Variants in CHRM2 observed in about 807,000 individuals in gnomAD.
CHRM2 encodes muscarinic acetylcholine receptor M2.
In CHRM2, 8 loss-of-function variants were observed where a neutral mutation model predicts 25.0. The ratio of observed to expected loss-of-function variants is 0.32; its 90% CI spans 0.19 to 0.58. The LOEUF is 0.58. Ranked by LOEUF, CHRM2 falls within the 20% of genes least tolerant of loss-of-function variation. CHRM2 has a pLI of 0.88. For missense variants in CHRM2, 440 were observed against 567.1 expected (o/e 0.78, Z 2.28); for synonymous variants, 202 against 205.7 (o/e 0.98, Z 0.15).
chr7:136,978,801 T>C (rs1314757453), intron 2 of CHRM2, among the ~76,000 whole-genome samples: 1 of 152,206 alleles, frequency 6.6e-6, no homozygotes, highest in African/African-American at 2.4e-5. Flanking sequence ...TATGGCTGCA[T>C]AGTATTCCGT....
chr7:136,912,862 A>G (rs1366328451), intron 2 of CHRM2, among the ~76,000 whole-genome samples: 1 of 151,988 alleles, frequency 6.6e-6, no homozygotes, highest in Non-Finnish European at 1.5e-5. Flanking sequence ...TTCATCCTCT[A>G]TGAAACGCGG....
intron 2 of CHRM2, among the ~76,000 whole-genome samples, chr7:136,973,328 T>C (rs1310220978): frequency 1.8e-5 from 2 of 111,724 alleles, no homozygotes; most frequent in Non-Finnish European, 1.8e-5. Context: ...TGGCAGGTGA[T>C]GGTGACGGTG....
chr7:136,982,245 T>C (rs1802538879), intron 2 of CHRM2, among the ~76,000 whole-genome samples: 1 of 152,228 alleles, frequency 6.6e-6, no homozygotes, highest in African/African-American at 2.4e-5. Context: ...AAGTCTGTTT[T>C]ATCAGAGACT....
At chr7:136,952,741 G>A (rs2130860858) in intron 2 of CHRM2, among the ~76,000 whole-genome samples, 1 of 152,026 alleles carries the variant, frequency 6.6e-6, no homozygotes, top group East Asian at 1.9e-4. Flanking sequence ...CCCTCCAATA[G>A]GCCCCCGTAT....
At chr7:136,885,967 T>C (rs1253324429) in intron 2 of CHRM2, among the ~76,000 whole-genome samples, 2 of 151,838 alleles carry the variant, frequency 1.3e-5, no homozygotes, top group African/African-American at 2.4e-5. Context: ...TTTGGGGAAA[T>C]GGAAAGGAAG....
rs1800464314 is a variant in CHRM2, at chr7:136,952,377, C to A, written c.-124-39810C>A. Among the ~76,000 whole-genome samples, 3 of 152,014 alleles carry A rather than the reference C, an allele frequency of 2.0e-5. No individual in the cohort carries two copies. In the South Asian group the frequency reaches 6.2e-4, roughly 32 times the overall value. ...TCTAATTGCTTTATTGATTTATAGA[C>A]TTATTTAAAGCGTATCGAAGATCTT... On this transcript the variant is annotated intron_variant, in intron 2 of 3. Transcript: ENST00000680005.
intron 2 of CHRM2, among the ~76,000 whole-genome samples, chr7:136,959,416 C>T (rs564265740): frequency 1.4e-4 from 22 of 152,208 alleles, no homozygotes; most frequent in Admixed American, 2.0e-4. Flanking sequence ...CATCTGGTTC[C>T]GGTATTGTAG....
chr7:136,900,246 A>T (rs187576219), intron 2 of CHRM2, among the ~76,000 whole-genome samples: 1 of 152,096 alleles, frequency 6.6e-6, no homozygotes, highest in Non-Finnish European at 1.5e-5. Flanking sequence ...GACACTGAAG[A>T]TACTAGTGAA....
rs185506578 is a variant in CHRM2 at position 136,964,058 on chromosome 7, C to G, written c.-124-28129C>G. Among the ~76,000 whole-genome samples the G allele has an allele frequency of 2.9e-3, 435 of 152,146 alleles. 1 individual carries two copies. The highest frequency in any genetic ancestry group is 6.8e-3 in the Middle Eastern group (2 of 294). On this transcript the variant is annotated intron_variant, in intron 2 of 3. Coordinates refer to ENST00000680005, the MANE Select transcript of CHRM2 (RefSeq NM_001006630.2). ...GAACATTCCTGTTTTGAAAGTTTGTCTATTTGCTGCCGGTCCATACAAATT... is the reference window on the plus strand; with the variant it reads ...GAACATTCCTGTTTTGAAAGTTTGTGTATTTGCTGCCGGTCCATACAAATT...
intron 3 of CHRM2, among the ~76,000 whole-genome samples, chr7:137,005,091 A>C (rs1178970862): frequency 6.6e-6 from 1 of 152,118 alleles, no homozygotes; most frequent in African/African-American, 2.4e-5. Flanking sequence ...AGATTTAGCT[A>C]TATGGGGGTG....
chr7:136,894,567 T>G (rs561544395), intron 2 of CHRM2, among the ~76,000 whole-genome samples: 2 of 152,212 alleles, frequency 1.3e-5, no homozygotes, highest in South Asian at 4.2e-4. Context: ...AGACGGGGTT[T>G]CGCCATGTTG....
intron 2 of CHRM2, among the ~76,000 whole-genome samples, chr7:136,895,957 G>C (rs1344260802): frequency 1.3e-5 from 2 of 152,048 alleles, no homozygotes; most frequent in African/African-American, 4.8e-5. Context: ...TTCTGTGTTC[G>C]TGTTTTTGAA....
chr7:136,915,148 G>A (rs1350897308), intron 2 of CHRM2, among the ~76,000 whole-genome samples: 2 of 151,826 alleles, frequency 1.3e-5, no homozygotes, highest in African/African-American at 4.8e-5. Context: ...CAGGATTAAA[G>A]GGATATATTT....
intron 2 of CHRM2, among the ~76,000 whole-genome samples, chr7:136,945,198 T>C (rs1800002468): frequency 6.6e-6 from 1 of 152,124 alleles, no homozygotes; most frequent in African/African-American, 2.4e-5. Flanking sequence ...ACTCAGCTGA[T>C]TATTTCTTTT....
At chr7:136,882,701 TC>T (rs1461723222) in intron 2 of CHRM2, among the ~76,000 whole-genome samples, 4 of 152,102 alleles carry the variant, frequency 2.6e-5, no homozygotes. Context: ...GTTTCCACTT[TC>T]GAAACCAATA....
At position 137,015,952 on chromosome 7, in the gene CHRM2, C is replaced by A. The variant is rs772049510; in HGVS notation, c.1087C>A (p.Arg363Ser). 1.9e-6 allele frequency: 3 copies of A among 1,613,008 alleles called. No individual in the cohort carries two copies. The South Asian group carries it at 3.3e-5, about 18-fold the overall frequency. Residue 363 changes from arginine (R) to serine (S), a missense_variant, in exon 4 of 4, where the codon CGC becomes AGC. By Grantham distance (110) the Arg-to-Ser change is moderately radical (BLOSUM62 -1). Transcript: ENST00000680005. This position sits in a 1 kb window ranked among gnomAD's most constrained non-coding sequence, Gnocchi z 5.1. The stretch of plus-strand genomic sequence containing the variant: ...AGATGAAAAGCAGAATATTGTAGCC[C>A]GCAAGATTGTGAAGATGACTAAGCA... ...NGDEKQNIVA[R>S]KIVKMTKQPA...
intron 3 of CHRM2, among the ~76,000 whole-genome samples, chr7:137,000,495 T>G (rs927281395): frequency 1.4e-5 from 2 of 137,956 alleles, no homozygotes; most frequent in Non-Finnish European, 3.1e-5. Context: ...CCACCGCGCC[T>G]AGTCTCATAA....
Position 137,020,012 on chromosome 7 carries a change from G to A in CHRM2, c.*3746G>A, listed in dbSNP as rs979245833. Reference sequence around the variant, plus strand: ...CCGGTGTTGCAAATAGTTTAGGAAAGCACCCAAAGCTGGATGAAATTGTGC... The same window carrying A: ...CCGGTGTTGCAAATAGTTTAGGAAAACACCCAAAGCTGGATGAAATTGTGC... On this transcript the variant is annotated 3_prime_UTR_variant, in exon 4 of 4. Coordinates refer to ENST00000680005, the MANE Select transcript of CHRM2 (RefSeq NM_001006630.2). 2 of 151,778 alleles carry A rather than the reference G, an allele frequency of 1.3e-5. No homozygotes were observed. The highest frequency in any genetic ancestry group is 2.9e-5 in the Non-Finnish European group (2 of 67,872). 9.4% of individuals were successfully genotyped at this position (151,778 alleles called of 1,614,324 possible).
intron 2 of CHRM2, among the ~76,000 whole-genome samples, chr7:136,956,324 T>C (rs965875296): frequency 1.3e-5 from 2 of 152,190 alleles, no homozygotes; most frequent in African/African-American, 4.8e-5. Context: ...ACATTCTTTT[T>C]AATGTACTAT....
Sources: allele counts gnomAD v4.1 joint callset (sites outside exome capture counted in the v4.1 genomes callset), GRCh38; gene constraint gnomAD v4.1.1; non-coding constraint Gnocchi (gnomAD v3.1); transcripts MANE v1.5; gene names NCBI Gene and HGNC (gene_info 2026-07-23, HGNC 2026-07-21).